PCDHGA1: variants seen among roughly 807,000 people sequenced by gnomAD.
PCDHGA1 encodes protocadherin gamma-A1.
In PCDHGA1, 32 loss-of-function variants were observed where a neutral mutation model predicts 58.0. The observed-to-expected ratio is 0.55, with a 90% confidence interval of 0.42 to 0.74. PCDHGA1 has a LOEUF of 0.74. Among genes scored for constraint, PCDHGA1 ranks in the 30% least tolerant of loss-of-function variants. The probability of loss-of-function intolerance (pLI) is 0.00; values close to 1 mark genes in which losing one functional copy is unlikely to be tolerated. For synonymous variants in PCDHGA1, 498 were observed against 501.1 expected (o/e 0.99, Z 0.08); for missense variants, 1,205 against 1,182.3 (o/e 1.02, Z -0.28).
intron 1 of PCDHGA1, chr5:141,414,994 T>G (rs1390374290): frequency 6.2e-7 from 1 of 1,613,744 alleles, no homozygotes; most frequent in South Asian, 1.1e-5. Flanking sequence ...CCAGAACGCC[T>G]GGCTGTCCTA....
At chr5:141,478,283 T>C (rs755297808) in intron 1 of PCDHGA1, 2 of 1,614,148 alleles carry the variant, frequency 1.2e-6, no homozygotes, top group South Asian at 2.2e-5. Context: ...GTGGAAGCAG[T>C]CTAGAGACCT....
chr5:141,374,153 T>TG (rs1373211276), intron 1 of PCDHGA1: 5 of 1,612,056 alleles, frequency 3.1e-6, no homozygotes, highest in African/African-American at 2.7e-5. Flanking sequence ...GGGGACGCTG[T>TG]GGGGGGCCGC....
At position 141,485,480 on chromosome 5, in the gene PCDHGA1, A is replaced by G. The variant is rs535194185; in HGVS notation, c.2422-9327A>G. On this transcript the variant is annotated intron_variant, in intron 1 of 3. Transcript: ENST00000517417. The surrounding 1 kb of genome is among the most constrained non-coding windows in gnomAD (Gnocchi z 5.7). Reference sequence around the variant, plus strand: ...ACTGTGTGGGCTCAGTGCCAGCTGCATCGTGCCCCTGGAGTTTGTCACCGA... The same window carrying G: ...ACTGTGTGGGCTCAGTGCCAGCTGCGTCGTGCCCCTGGAGTTTGTCACCGA... The G allele has an allele frequency of 2.5e-6, 4 of 1,614,154 alleles. No individual in the cohort carries two copies. The South Asian group carries it at 3.3e-5, about 13-fold the overall frequency.
In PCDHGA1 at chr5:141,486,757, C is replaced by A; in HGVS notation, c.2422-8050C>A. 5 of 1,614,228 alleles carry A rather than the reference C, an allele frequency of 3.1e-6. No homozygotes were observed. Among genetic ancestry groups the A allele is most frequent in the Non-Finnish European group, 4.2e-6 (5 of 1,180,036 alleles). ...CTCGATCCTTTGACTATGAGCAAAC[C>A]CAGACACTGCAGTTTGAGGTGCAGG... On this transcript the variant is annotated intron_variant, in intron 1 of 3. Coordinates refer to ENST00000517417, the MANE Select transcript of PCDHGA1 (RefSeq NM_018912.3). This position sits in a 1 kb window ranked among gnomAD's most constrained non-coding sequence, Gnocchi z 5.0.
chr5:141,475,870 C>CAGTT, intron 1 of PCDHGA1: 1 of 511,190 alleles, frequency 2.0e-6, no homozygotes, highest in East Asian at 3.3e-5. Context: ...ATTCTTCGTG[C>CAGTT]AGTTATTGGC....
intron 1 of PCDHGA1, chr5:141,422,273 C>T: frequency 6.4e-7 from 1 of 1,560,808 alleles, no homozygotes; most frequent in Non-Finnish European, 8.6e-7. Flanking sequence ...CCAGAAATAA[C>T]TATCACCTCT....
rs1399077321 is a variant in PCDHGA1, at chr5:141,474,090, AAAC to A, written c.2422-20708_2422-20706del. Among the ~76,000 whole-genome samples the A allele has an allele frequency of 2.6e-5, 4 of 152,206 alleles. No individual in the cohort carries two copies. In the East Asian group the frequency reaches 5.8e-4, roughly 22 times the overall value. On this transcript the variant is annotated intron_variant, in intron 1 of 3. Coordinates refer to ENST00000517417, the MANE Select transcript of PCDHGA1 (RefSeq NM_018912.3). ...GCCTCAGAAACAAAAACCAAAAAAC[AAAC>A]AACAACAAAAACAACAACAACGAAA...
intron 1 of PCDHGA1, chr5:141,355,887 CATA>C (rs759872200): frequency 1.1e-5 from 17 of 1,613,492 alleles, no homozygotes; most frequent in Non-Finnish European, 1.4e-5. Flanking sequence ...CCAGGATTCT[CATA>C]ATACTTGTGG....
chr5:141,433,029 T>C (rs2097561523), intron 1 of PCDHGA1: 2 of 1,613,998 alleles, frequency 1.2e-6, no homozygotes, highest in African/African-American at 2.7e-5. Flanking sequence ...TCCCACGAGG[T>C]TTCCCTCACC....
In PCDHGA1 at chr5:141,405,105, A is replaced by T. The variant is rs1239308721; in HGVS notation, c.2421+72000A>T. The T allele has an allele frequency of 5.6e-6, 9 of 1,613,756 alleles. No individual in the cohort carries two copies. In the Admixed American group the frequency reaches 1.5e-4, roughly 27 times the overall value. Reference sequence around the variant, plus strand: ...ACGCTGCTGGCCCTCAGGCTGAGGCACTGGCACTCCTCGCATCTGCTGCGG... The same window carrying T: ...ACGCTGCTGGCCCTCAGGCTGAGGCTCTGGCACTCCTCGCATCTGCTGCGG... On this transcript the variant is annotated intron_variant, in intron 1 of 3. Coordinates refer to ENST00000517417, the MANE Select transcript of PCDHGA1 (RefSeq NM_018912.3).
chr5:141,330,829 G>T lies in PCDHGA1; in HGVS notation c.145G>T (p.Ala49Ser), dbSNP rs1404444465. The T allele has an allele frequency of 1.9e-6, 3 of 1,614,152 alleles. No individual in the cohort carries two copies. The Admixed American group carries it at 5.0e-5, about 27-fold the overall frequency. Residue 49 changes from alanine (A) to serine (S), a missense_variant, in exon 1 of 4, where the codon GCC becomes TCC. Transcript: ENST00000517417. ...CAAAGGTTCCTTCGTAGGCAACATCGCCAAGGACCTAGGGCTGCAACCCCA... is the reference window on the plus strand; with the variant it reads ...CAAAGGTTCCTTCGTAGGCAACATCTCCAAGGACCTAGGGCTGCAACCCCA... ...TDKGSFVGNIAKDLGLQPQEL... is the reference protein window; with the variant it reads ...TDKGSFVGNISKDLGLQPQEL...
chr5:141,404,875 C>T, intron 1 of PCDHGA1: 1 of 1,613,904 alleles, frequency 6.2e-7, no homozygotes, highest in Non-Finnish European at 8.5e-7. Flanking sequence ...TCAAACAGAG[C>T]CTTGTGGTGG....
chr5:141,403,088 G>C (rs1561685667), intron 1 of PCDHGA1: 2 of 1,614,030 alleles, frequency 1.2e-6, no homozygotes, highest in Non-Finnish European at 1.7e-6. Context: ...CTATATTGTG[G>C]GCAACATCTC....
At chr5:141,410,839 T>G in intron 1 of PCDHGA1, 2 of 481,442 alleles carry the variant, frequency 4.2e-6, no homozygotes, top group Non-Finnish European at 6.8e-6. Context: ...TGAAGATATT[T>G]TGTCTTTGTC....
chr5:141,430,795 G>T (rs918154748), intron 1 of PCDHGA1: 7 of 1,522,458 alleles, frequency 4.6e-6, no homozygotes, highest in Non-Finnish European at 6.2e-6. Flanking sequence ...ACTACAAAGG[G>T]CTTGTCCTGC....
At chr5:141,372,173 G>A (rs780828000) in intron 1 of PCDHGA1, 2 of 1,613,722 alleles carry the variant, frequency 1.2e-6, no homozygotes, top group Non-Finnish European at 1.7e-6. Context: ...AGGTGGTGGC[G>A]GTGGACGCAG....
chr5:141,441,973 C>A lies in PCDHGA1; in HGVS notation c.2422-52834C>A, dbSNP rs1457832429. The A allele has an allele frequency of 3.7e-5, 11 of 296,542 alleles. No individual in the cohort carries two copies. In the Admixed American group the frequency reaches 4.9e-4, roughly 13 times the overall value. 18.4% of individuals were successfully genotyped at this position (296,542 alleles called of 1,614,324 possible). A position where few individuals can be genotyped will look rare whatever the true frequency, so the allele number is the denominator to read the frequency against. ...GGCCAGCAAGCCCAGGCTCTTCAGC[C>A]TGGAATGCGCACCGACGAGGTGCTG... On this transcript the variant is annotated intron_variant, in intron 1 of 3. Coordinates refer to ENST00000517417, the MANE Select transcript of PCDHGA1 (RefSeq NM_018912.3).
At position 141,365,950 on chromosome 5, in the gene PCDHGA1, T is replaced by C. The variant is rs376201402; in HGVS notation, c.2421+32845T>C. On this transcript the variant is annotated intron_variant, in intron 1 of 3. Coordinates refer to ENST00000517417, the MANE Select transcript of PCDHGA1 (RefSeq NM_018912.3). Reference sequence around the variant, plus strand: ...TGACAGCCAGCGACAGTGGGAACCCTCCACTTAGCAGCAACGTGTCGCTGA... The same window carrying C: ...TGACAGCCAGCGACAGTGGGAACCCCCCACTTAGCAGCAACGTGTCGCTGA... The C allele has an allele frequency of 2.5e-6, 4 of 1,614,078 alleles. No individual in the cohort carries two copies. In the African/African-American group the frequency reaches 5.3e-5, roughly 22 times the overall value.
At chr5:141,361,293 G>C (rs1406252392) in intron 1 of PCDHGA1, 2 of 1,613,900 alleles carry the variant, frequency 1.2e-6, no homozygotes, top group African/African-American at 2.7e-5. Flanking sequence ...ACTGCCAAGT[G>C]TTGGGAAATG....
Sources: allele counts gnomAD v4.1 joint callset (sites outside exome capture counted in the v4.1 genomes callset), GRCh38; gene constraint gnomAD v4.1.1; non-coding constraint Gnocchi (gnomAD v3.1); transcripts MANE v1.5; gene names NCBI Gene and HGNC (gene_info 2026-07-23, HGNC 2026-07-21).